The following PARD6G variants were observed in gnomAD, a reference collection of about 807,000 sequenced individuals.
PARD6G encodes the protein par-6 family cell polarity regulator gamma, also known as partitioning defective 6 homolog gamma.
Under a neutral mutation model 10.7 loss-of-function variants are expected in PARD6G, and 7 were observed. The ratio of observed to expected loss-of-function variants is 0.66; its 90% confidence interval spans 0.37 to 1.23. The LOEUF is 1.23. Among genes scored for constraint, PARD6G ranks in the 50% most tolerant of loss-of-function variants. The pLI, the probability that PARD6G is intolerant of heterozygous loss-of-function variation, is 0.02. For synonymous variants in PARD6G, 287 were observed against 269.4 expected (o/e 1.07, Z -0.64); for missense variants, 548 against 571.8 (o/e 0.96, Z 0.42).
chr18:80,159,459 A>G lies in PARD6G; in HGVS notation c.*312T>C, dbSNP rs1465858638. On this transcript the variant is annotated 3_prime_UTR_variant, in exon 3 of 3. Transcript: ENST00000353265. ...GTAATTTTAAAGCTTCACTTTAAAA[A>G]CAAAGTATTTGTAAAAATTTTAAAA... 3.5e-6 allele frequency: 1 copy of G among 281,896 alleles called. No homozygotes were observed. The highest frequency in any genetic ancestry group is 6.5e-6 in the Non-Finnish European group (1 of 154,208). The allele number at this position is 281,896 out of a possible 1,614,324, so 17.5% of individuals were successfully genotyped here.
chr18:80,208,836 T>C (rs919792538), intron 1 of PARD6G, among the ~76,000 whole-genome samples: 9 of 152,284 alleles, frequency 5.9e-5, no homozygotes, highest in South Asian at 2.1e-4. Flanking sequence ...AAAGTCCACA[T>C]TGGCCAGCGA....
intron 1 of PARD6G, among the ~76,000 whole-genome samples, chr18:80,237,548 T>C (rs1188154632): frequency 1.3e-5 from 2 of 152,070 alleles, no homozygotes; most frequent in African/African-American, 4.8e-5. Context: ...AGAAACACCA[T>C]CAGAGTGAAC....
chr18:80,190,577 G>A (rs546911000), intron 2 of PARD6G, among the ~76,000 whole-genome samples: 26 of 152,294 alleles, frequency 1.7e-4, no homozygotes, highest in Admixed American at 1.5e-3. Flanking sequence ...GCCCAGACAC[G>A]GATCCTGGTC....
At position 80,226,274 on chromosome 18, in the gene PARD6G, G is replaced by A. The variant is rs931012402; in HGVS notation, c.72+21003C>T. On this transcript the variant is annotated intron_variant, in intron 1 of 2. Transcript: ENST00000353265. ...CAACCTCCGCCTCCTGGGTTCAGGC[G>A]ATTCTCCTGCCTCAGCCTCCTGAGT... Among the ~76,000 whole-genome samples, 10 of 147,178 alleles carry A rather than the reference G, an allele frequency of 6.8e-5. No homozygotes were observed. The Admixed American group carries it at 7.0e-4, about 10-fold the overall frequency.
At chr18:80,238,679 G>A (rs1277366084) in intron 1 of PARD6G, among the ~76,000 whole-genome samples, 2 of 152,120 alleles carry the variant, frequency 1.3e-5, no homozygotes, top group Admixed American at 1.3e-4. Context: ...GTACACTTAA[G>A]ATGAGTGTAT....
chr18:80,224,079 A>G (rs563231189), intron 1 of PARD6G, among the ~76,000 whole-genome samples: 1 of 152,318 alleles, frequency 6.6e-6, no homozygotes, highest in East Asian at 1.9e-4. Context: ...CCCAAACTAC[A>G]AAAGTCCTCA....
chr18:80,235,676 G>A (rs1454926420), intron 1 of PARD6G, among the ~76,000 whole-genome samples: 20 of 151,946 alleles, frequency 1.3e-4, no homozygotes, highest in Admixed American at 3.3e-4. Context: ...AGGGAATATC[G>A]CCACCGATCC....
intron 2 of PARD6G, among the ~76,000 whole-genome samples, chr18:80,177,169 A>G (rs2052815112): frequency 4.0e-5 from 2 of 49,526 alleles, no homozygotes; most frequent in East Asian, 3.5e-4. Flanking sequence ...TAAATGGGAA[A>G]CACACATACA....
chr18:80,208,206 A>G (rs1166294228), intron 1 of PARD6G, among the ~76,000 whole-genome samples: 2 of 152,238 alleles, frequency 1.3e-5, no homozygotes, highest in East Asian at 3.8e-4. Context: ...GAATATTTAC[A>G]GCATGCTGTA....
At chr18:80,241,121 C>T (rs1184227520) in intron 1 of PARD6G, among the ~76,000 whole-genome samples, 2 of 152,212 alleles carry the variant, frequency 1.3e-5, no homozygotes, top group Non-Finnish European at 2.9e-5. Context: ...CCAGCTGTTT[C>T]TTGCAAGCTC....
In PARD6G at chr18:80,228,783, G is replaced by A. The variant is rs114321436; in HGVS notation, c.72+18494C>T. 2.3e-3 allele frequency among the ~76,000 whole-genome samples: 344 copies of A among 152,310 alleles called. 1 individual carries two copies. The highest frequency in any genetic ancestry group is 7.9e-3 in the African/African-American group (327 of 41,578). Reference sequence around the variant, plus strand: ...GCCCCCACCCCAGGCCTACAGGTGAGAACAGTGAACAACTGCAGGTGATCA... The same window carrying A: ...GCCCCCACCCCAGGCCTACAGGTGAAAACAGTGAACAACTGCAGGTGATCA... On this transcript the variant is annotated intron_variant, in intron 1 of 2. Transcript: ENST00000353265. This position sits in a 1 kb window ranked among gnomAD's most constrained non-coding sequence, Gnocchi z 4.6.
intron 2 of PARD6G, among the ~76,000 whole-genome samples, chr18:80,193,892 C>T (rs1443304634): frequency 1.3e-5 from 2 of 152,134 alleles, no homozygotes; most frequent in Admixed American, 1.3e-4. Flanking sequence ...TCAAGTGCCA[C>T]AAAAACAGTC....
chr18:80,202,899 G>A lies in PARD6G; in HGVS notation c.106C>T (p.Arg36Cys), dbSNP rs1199904740. 5.3e-6 allele frequency: 8 copies of A among 1,511,648 alleles called. No individual in the cohort carries two copies. Among genetic ancestry groups the A allele is most frequent in the African/African-American group, 3.0e-5 (2 of 67,750 alleles). 93.6% of individuals were successfully genotyped at this position (1,511,648 alleles called of 1,614,324 possible). Residue 36 changes from arginine (R) to cysteine (C), a missense_variant, in exon 2 of 3, where the codon CGT becomes TGT. Around this residue, in one of 2 missense-constraint regions of PARD6G, gnomAD observed 235 missense variants for 291.9 expected, o/e 0.81. Coordinates refer to ENST00000353265, the MANE Select transcript of PARD6G (RefSeq NM_032510.4). ...TCTTCAAACTTCCCAGGCTTATGAC[G>A]GTCCAGAGAGAACCTTCGGAATTCC... ...GAEFRRFSLD[R>C]HKPGKFEDFY...
At chr18:80,230,440 G>A (rs949482676) in intron 1 of PARD6G, among the ~76,000 whole-genome samples, 3 of 152,214 alleles carry the variant, frequency 2.0e-5, no homozygotes, top group African/African-American at 2.4e-5. Flanking sequence ...GGGCTGACAC[G>A]TTGGGACGGT....
intron 2 of PARD6G, among the ~76,000 whole-genome samples, chr18:80,193,734 T>C (rs1186627390): frequency 1.3e-5 from 2 of 152,202 alleles, no homozygotes; most frequent in African/African-American, 4.8e-5. Context: ...CCACCCAGCA[T>C]GTGGCTCCGA....
At chr18:80,220,545 T>C (rs1302769999) in intron 1 of PARD6G, among the ~76,000 whole-genome samples, 5 of 152,198 alleles carry the variant, frequency 3.3e-5, no homozygotes, top group Non-Finnish European at 5.9e-5. Context: ...TATATTAATG[T>C]TAGTTGTTAA....
chr18:80,166,939 A>T (rs2052740055), intron 2 of PARD6G, among the ~76,000 whole-genome samples: 1 of 151,912 alleles, frequency 6.6e-6, no homozygotes, highest in South Asian at 2.1e-4. Context: ...TGCTGGCCAG[A>T]CCCTAACATC....
chr18:80,230,219 G>C (rs1967342477), intron 1 of PARD6G, among the ~76,000 whole-genome samples: 1 of 152,222 alleles, frequency 6.6e-6, no homozygotes, highest in Non-Finnish European at 1.5e-5. Context: ...AGGATCTCAC[G>C]CGTGTGCATG....
At position 80,231,753 on chromosome 18, in the gene PARD6G, G is replaced by T. The variant is rs574426310; in HGVS notation, c.72+15524C>A. Reference sequence around the variant, plus strand: ...TGGGAGCAATTCACTCGCTCAACTTGCTCACCAAGCTGTTTGTTCTCCCCC... The same window carrying T: ...TGGGAGCAATTCACTCGCTCAACTTTCTCACCAAGCTGTTTGTTCTCCCCC... On this transcript the variant is annotated intron_variant, in intron 1 of 2. Coordinates refer to ENST00000353265, the MANE Select transcript of PARD6G (RefSeq NM_032510.4). The surrounding 1 kb of genome is among the most constrained non-coding windows in gnomAD (Gnocchi z 4.2). Among the ~76,000 whole-genome samples the T allele has an allele frequency of 1.2e-4, 18 of 152,064 alleles. No individual in the cohort carries two copies. Among genetic ancestry groups the T allele is most frequent in the Non-Finnish European group, 2.4e-4 (16 of 68,010 alleles).
Sources: gnomAD v4.1 joint callset for allele counts (sites outside exome capture counted in the v4.1 genomes callset) on GRCh38, gnomAD v4.1.1 for gene constraint, gnomAD v4.1.1 regional missense constraint, Gnocchi (gnomAD v3.1) non-coding constraint, MANE v1.5 for transcripts, NCBI Gene and HGNC (gene_info 2026-07-23, HGNC 2026-07-21) for gene names.